The following ME3 variants were observed in gnomAD, a reference collection of about 807,000 sequenced individuals.
ME3 encodes NADP-dependent malic enzyme, mitochondrial.
Under a neutral mutation model 68.9 loss-of-function variants are expected in ME3, and 48 were observed. The ratio of observed to expected loss-of-function variants is 0.70; its 90% CI spans 0.55 to 0.89. ME3 has a LOEUF of 0.89. Among genes scored for constraint, ME3 ranks in the 40% least tolerant of loss-of-function variants. ME3 has a pLI of 0.00. For synonymous variants in ME3, 320 were observed against 318.8 expected, an observed-to-expected ratio of 1.00 and a Z score of -0.04; for missense variants, 675 against 797.4, an observed-to-expected ratio of 0.85 and a Z score of 1.85.
intron 2 of ME3, among the ~76,000 whole-genome samples, chr11:86,655,935 C>G (rs1286743047): frequency 1.9e-4 from 29 of 151,876 alleles, no homozygotes; most frequent in African/African-American, 6.8e-4. Context: ...AAAAGTGGGC[C>G]AAGGACATGA....
intron 4 of ME3, among the ~76,000 whole-genome samples, chr11:86,529,147 A>C (rs1955006813): frequency 6.6e-6 from 1 of 152,226 alleles, no homozygotes; most frequent in Non-Finnish European, 1.5e-5. Flanking sequence ...AGAATCAAAT[A>C]GACGCAATAA....
chr11:86,458,046 G>C (rs887119360), intron 8 of ME3, among the ~76,000 whole-genome samples: 6 of 152,174 alleles, frequency 3.9e-5, no homozygotes, highest in African/African-American at 1.4e-4. Context: ...TCAGGGTCTG[G>C]CCACGGTGGC....
intron 5 of ME3, among the ~76,000 whole-genome samples, chr11:86,504,247 C>T (rs533964197): frequency 6.0e-4 from 91 of 152,270 alleles, no homozygotes; most frequent in Admixed American, 1.0e-3. Flanking sequence ...AACTCTGTCT[C>T]CCCCACTTAG....
intron 2 of ME3, among the ~76,000 whole-genome samples, chr11:86,604,452 A>G (rs1363941658): frequency 6.6e-6 from 1 of 152,182 alleles, no homozygotes; most frequent in Non-Finnish European, 1.5e-5. Context: ...ACAAGAAAAA[A>G]AAGAACAAAA....
At chr11:86,494,050 T>C (rs1178125610) in intron 6 of ME3, among the ~76,000 whole-genome samples, 2 of 100,332 alleles carry the variant, frequency 2.0e-5, no homozygotes, top group African/African-American at 6.9e-5. Flanking sequence ...AACGGTTTCA[T>C]TGAAAAAAAA....
At chr11:86,509,207 G>A in intron 4 of ME3, among the ~76,000 whole-genome samples, 1 of 151,770 alleles carries the variant, frequency 6.6e-6, no homozygotes, top group East Asian at 1.9e-4. Context: ...GACTGTTTGG[G>A]CCTCTTTTCC....
intron 5 of ME3, among the ~76,000 whole-genome samples, chr11:86,498,649 A>T (rs1305798735): frequency 6.6e-6 from 1 of 152,208 alleles, no homozygotes; most frequent in Non-Finnish European, 1.5e-5. Flanking sequence ...ACTATTGCAT[A>T]TGAAATCAGG....
At chr11:86,650,686 A>C (rs11518768) in intron 2 of ME3, among the ~76,000 whole-genome samples, 67,899 of 152,068 alleles carry the variant, frequency 0.45, 16,931 homozygotes, top group Non-Finnish European at 0.57. Context: ...AAGATGAATG[A>C]TTTATGCATT....
At chr11:86,453,770 A>C (rs1034490021) in intron 8 of ME3, among the ~76,000 whole-genome samples, 1 of 152,226 alleles carries the variant, frequency 6.6e-6, no homozygotes, top group African/African-American at 2.4e-5. Flanking sequence ...ACTCCATGGC[A>C]GCAGTTTGTT....
At chr11:86,476,608 G>A (rs1594107377) in intron 7 of ME3, among the ~76,000 whole-genome samples, 1 of 152,258 alleles carries the variant, frequency 6.6e-6, no homozygotes, top group East Asian at 1.9e-4. Flanking sequence ...GCTTCAAACA[G>A]CTGCAAAAAA....
chr11:86,654,613 G>C (rs970691912), intron 2 of ME3, among the ~76,000 whole-genome samples: 1 of 152,108 alleles, frequency 6.6e-6, no homozygotes. Context: ...AATAAGAGCT[G>C]TCTATGACAA....
chr11:86,576,228 G>T (rs1958102475), intron 2 of ME3, among the ~76,000 whole-genome samples: 1 of 152,148 alleles, frequency 6.6e-6, no homozygotes, highest in South Asian at 2.1e-4. Flanking sequence ...AAGTGGTTGG[G>T]GGAGGTGGAT....
exon 4 of ME3, chr11:86,556,652 C>T (rs1359610201): frequency 1.2e-6 from 2 of 1,614,146 alleles, no homozygotes; most frequent in African/African-American, 1.3e-5. Context: ...AGTCAGCACT[C>T]GGTAGAAGAG....
intron 2 of ME3, among the ~76,000 whole-genome samples, chr11:86,631,404 A>C (rs759959180): frequency 6.6e-6 from 1 of 152,160 alleles, no homozygotes; most frequent in Non-Finnish European, 1.5e-5. Flanking sequence ...CACCTGCAAA[A>C]CTGCCTGTAA....
At chr11:86,628,598 C>T (rs573815806) in intron 2 of ME3, among the ~76,000 whole-genome samples, 2 of 152,294 alleles carry the variant, frequency 1.3e-5, no homozygotes, top group South Asian at 4.2e-4. Flanking sequence ...TGGCTCTGTC[C>T]TCATAGACTA....
chr11:86,533,685 A>G (rs1278605284), intron 4 of ME3, among the ~76,000 whole-genome samples: 3 of 152,246 alleles, frequency 2.0e-5, no homozygotes, highest in Non-Finnish European at 4.4e-5. Context: ...GACACTACAA[A>G]GAAAAGAAGA....
chr11:86,554,732 T>C (rs1481538326), intron 4 of ME3, among the ~76,000 whole-genome samples: 1 of 152,204 alleles, frequency 6.6e-6, no homozygotes, highest in African/African-American at 2.4e-5. Context: ...AATTCGGGGC[T>C]GATTGCAAAG....
At chr11:86,476,076 G>C (rs868100689) in intron 7 of ME3, among the ~76,000 whole-genome samples, 2 of 152,158 alleles carry the variant, frequency 1.3e-5, no homozygotes, top group South Asian at 2.1e-4. Context: ...TATATGCCTA[G>C]GGATTTTTCT....
chr11:86,599,738 C>A (rs1202687269), intron 2 of ME3, among the ~76,000 whole-genome samples: 2 of 152,206 alleles, frequency 1.3e-5, no homozygotes, highest in South Asian at 2.1e-4. Context: ...GCCCATCAGA[C>A]TGACAGCGGA....
Sources: allele counts gnomAD v4.1 joint callset (sites outside exome capture counted in the v4.1 genomes callset), GRCh38; gene constraint gnomAD v4.1.1; transcripts MANE v1.5; gene names NCBI Gene and HGNC (gene_info 2026-07-23, HGNC 2026-07-21).